Variants in SSH2 observed in about 807,000 individuals in gnomAD.
SSH2 encodes the protein slingshot protein phosphatase 2.
Under a neutral mutation model 135.2 loss-of-function variants are expected in SSH2, and 37 were observed. The observed-to-expected ratio is 0.27, with a 90% CI of 0.21 to 0.36. SSH2 has a LOEUF of 0.36. Ranked by LOEUF, SSH2 falls within the 10% of genes least tolerant of loss-of-function variation. The pLI is 1.00. For missense variants in SSH2, 1,408 were observed against 1,765.3 expected (o/e 0.80, Z 3.63); for synonymous variants, 628 against 646.2 (o/e 0.97, Z 0.43).
chr17:29,761,964 T>A (rs2041330596), intron 3 of SSH2, among the ~76,000 whole-genome samples: 1 of 151,446 alleles, frequency 6.6e-6, no homozygotes, highest in Non-Finnish European at 1.5e-5. Flanking sequence ...CACTGCAACC[T>A]CCGCCTCCCA....
chr17:29,818,426 T>G (rs2042597204), intron 2 of SSH2, among the ~76,000 whole-genome samples: 1 of 152,060 alleles, frequency 6.6e-6, no homozygotes, highest in Non-Finnish European at 1.5e-5. Flanking sequence ...TTTTTCGTAT[T>G]TTTAGTAGAG....
At chr17:29,790,720 T>C (rs1035873031) in intron 3 of SSH2, among the ~76,000 whole-genome samples, 1 of 151,982 alleles carries the variant, frequency 6.6e-6, no homozygotes, top group African/African-American at 2.4e-5. Context: ...GGTCTAATTG[T>C]ACTGAAAGAT....
intron 3 of SSH2, among the ~76,000 whole-genome samples, chr17:29,706,724 T>G (rs1421693988): frequency 6.6e-6 from 1 of 152,234 alleles, no homozygotes; most frequent in East Asian, 1.9e-4. Context: ...TTGGACACTG[T>G]GGGTTCCAGT....
intron 2 of SSH2, among the ~76,000 whole-genome samples, chr17:29,801,367 C>T (rs776369375): frequency 2.6e-5 from 4 of 152,156 alleles, no homozygotes; most frequent in Non-Finnish European, 4.4e-5. Context: ...TTTCCCAAAT[C>T]TTATCATTCA....
At chr17:29,836,521 A>T (rs896157171) in intron 2 of SSH2, among the ~76,000 whole-genome samples, 1 of 152,212 alleles carries the variant, frequency 6.6e-6, no homozygotes, top group African/African-American at 2.4e-5. Flanking sequence ...CTCAGAAAAC[A>T]AGAATATCTC....
intron 5 of SSH2, among the ~76,000 whole-genome samples, chr17:29,692,005 T>G (rs1316908242): frequency 6.6e-6 from 1 of 151,272 alleles, no homozygotes; most frequent in Non-Finnish European, 1.5e-5. Flanking sequence ...CCGGGTATGG[T>G]GGCATGGGCC....
intron 1 of SSH2, among the ~76,000 whole-genome samples, chr17:29,909,879 A>G (rs763723265): frequency 6.6e-6 from 1 of 152,254 alleles, no homozygotes; most frequent in Non-Finnish European, 1.5e-5. Flanking sequence ...CAGTAAAGTC[A>G]GCACCTGACA....
intron 14 of SSH2, chr17:29,643,115 T>C (rs180690123): frequency 1.8e-5 from 18 of 985,368 alleles, no homozygotes; most frequent in Non-Finnish European, 2.2e-5. Flanking sequence ...ATTGCAAGGC[T>C]TGATAGAGCT....
chr17:29,653,221 A>C (rs989863084), intron 12 of SSH2, among the ~76,000 whole-genome samples: 1 of 152,194 alleles, frequency 6.6e-6, no homozygotes, highest in African/African-American at 2.4e-5. Context: ...CCTTAATGTC[A>C]AAATTACCCT....
intron 3 of SSH2, among the ~76,000 whole-genome samples, chr17:29,715,977 C>T (rs1007642018): frequency 6.6e-6 from 1 of 152,212 alleles, no homozygotes; most frequent in African/African-American, 2.4e-5. Context: ...TTTCCTTCAA[C>T]TTTCCACAGT....
At chr17:29,633,261 C>G (rs1333166508) in intron 15 of SSH2, among the ~76,000 whole-genome samples, 1 of 152,182 alleles carries the variant, frequency 6.6e-6, no homozygotes, top group African/African-American at 2.4e-5. Context: ...CTATATTTTC[C>G]TAAGACTATG....
chr17:29,678,279 A>ACC, intron 6 of SSH2, among the ~76,000 whole-genome samples: 1 of 152,120 alleles, frequency 6.6e-6, no homozygotes, highest in South Asian at 2.1e-4. Flanking sequence ...TACTTTTAGT[A>ACC]GAGATGGGGT....
At chr17:29,888,556 T>C (rs922479137) in intron 1 of SSH2, among the ~76,000 whole-genome samples, 3 of 152,112 alleles carry the variant, frequency 2.0e-5, no homozygotes, top group Non-Finnish European at 2.9e-5. Context: ...CCTAGTAATT[T>C]TTATAGACCA....
At chr17:29,721,782 T>A (rs2039831383) in intron 3 of SSH2, among the ~76,000 whole-genome samples, 1 of 152,096 alleles carries the variant, frequency 6.6e-6, no homozygotes, top group Non-Finnish European at 1.5e-5. Flanking sequence ...TTATTCACCA[T>A]TAAGAAGACA....
At chr17:29,714,876 T>C (rs1319400408) in intron 3 of SSH2, among the ~76,000 whole-genome samples, 5 of 152,150 alleles carry the variant, frequency 3.3e-5, no homozygotes, top group Non-Finnish European at 7.3e-5. Context: ...TTTTCTTTTT[T>C]TGTTTTTTGG....
At chr17:29,829,709 T>C (rs997840608) in intron 2 of SSH2, among the ~76,000 whole-genome samples, 2 of 152,192 alleles carry the variant, frequency 1.3e-5, no homozygotes, top group East Asian at 1.9e-4. Context: ...GGGGAAATAG[T>C]TGTGCTCATA....
intron 1 of SSH2, among the ~76,000 whole-genome samples, chr17:29,849,131 C>A (rs1026108726): frequency 1.3e-5 from 2 of 152,216 alleles, no homozygotes; most frequent in African/African-American, 4.8e-5. Flanking sequence ...TCAACTGAAG[C>A]ATTTCCTATG....
At chr17:29,851,003 C>T (rs1024523211) in intron 1 of SSH2, among the ~76,000 whole-genome samples, 23 of 152,098 alleles carry the variant, frequency 1.5e-4, no homozygotes, top group African/African-American at 5.5e-4. Context: ...AACAAACAAA[C>T]AAAAATTATT....
intron 3 of SSH2, among the ~76,000 whole-genome samples, chr17:29,708,263 A>G (rs181061322): frequency 6.6e-6 from 1 of 152,298 alleles, no homozygotes; most frequent in East Asian, 1.9e-4. Flanking sequence ...TAAAAATTCA[A>G]TTGACAAGGA....
Sources: allele counts gnomAD v4.1 joint callset (sites outside exome capture counted in the v4.1 genomes callset), GRCh38; gene constraint gnomAD v4.1.1; transcripts MANE v1.5; gene names NCBI Gene and HGNC (gene_info 2026-07-23, HGNC 2026-07-21).